The following DLGAP2 variants were observed in gnomAD, a reference collection of about 807,000 sequenced individuals.
DLGAP2 encodes the protein DLG associated protein 2, also known as disks large-associated protein 2.
DLGAP2 carries 26 observed loss-of-function variants against 100.3 expected under a neutral mutation model. That is an observed-to-expected ratio of 0.26 (90% CI 0.19 to 0.36). DLGAP2 has a LOEUF of 0.36. DLGAP2 is among the 10% of genes least tolerant of loss of function. The pLI is 1.00. For synonymous variants in DLGAP2, 886 were observed against 630.1 expected, an observed-to-expected ratio of 1.41 and a Z score of -6.08; for missense variants, 1,858 against 1,453.2, an observed-to-expected ratio of 1.28 and a Z score of -4.53.
intron 1 of DLGAP2, among the ~76,000 whole-genome samples, chr8:801,013 G>A (rs1182843676): frequency 2.6e-5 from 4 of 152,068 alleles, no homozygotes; most frequent in African/African-American, 9.7e-5. Flanking sequence ...ACCTTCAATG[G>A]CTGGTTTGGG....
intron 2 of DLGAP2, among the ~76,000 whole-genome samples, chr8:1,038,073 C>T (rs576713563): frequency 3.7e-4 from 56 of 152,294 alleles, no homozygotes; most frequent in Admixed American, 3.5e-3. Flanking sequence ...TTGGTGTCCT[C>T]GGATGCTGTA....
intron 2 of DLGAP2, among the ~76,000 whole-genome samples, chr8:909,630 G>T (rs1213565866): frequency 6.6e-6 from 1 of 152,172 alleles, no homozygotes; most frequent in Non-Finnish European, 1.5e-5. Context: ...CATTAGCCGG[G>T]CAATTTCCTC....
At chr8:1,303,200 A>G (rs1236267735) in intron 3 of DLGAP2, among the ~76,000 whole-genome samples, 2 of 152,164 alleles carry the variant, frequency 1.3e-5, no homozygotes, top group African/African-American at 4.8e-5. Flanking sequence ...GCTCAAGACC[A>G]TCCTGGCTAA....
At chr8:1,355,545 A>C (rs1456784344) in intron 3 of DLGAP2, among the ~76,000 whole-genome samples, 1 of 151,788 alleles carries the variant, frequency 6.6e-6, no homozygotes, top group South Asian at 2.1e-4. Context: ...TTGTATTTTT[A>C]GTAGAGGCGG....
intron 8 of DLGAP2, among the ~76,000 whole-genome samples, chr8:1,662,128 A>C (rs981417953): frequency 6.6e-6 from 1 of 152,256 alleles, no homozygotes; most frequent in Non-Finnish European, 1.5e-5. Flanking sequence ...TGGGTCCCAC[A>C]CACCTTTCCT....
intron 2 of DLGAP2, among the ~76,000 whole-genome samples, chr8:1,166,107 C>A (rs143884969): frequency 5.4e-4 from 82 of 152,332 alleles, no homozygotes; most frequent in African/African-American, 1.8e-3. Flanking sequence ...GGTCATGGCA[C>A]CTTAGCTACT....
At chr8:951,244 G>A (rs148616971) in intron 2 of DLGAP2, among the ~76,000 whole-genome samples, 116 of 152,212 alleles carry the variant, frequency 7.6e-4, no homozygotes, top group African/African-American at 2.7e-3. Flanking sequence ...ATAGTGCAGT[G>A]ACTCTGTGTC....
At chr8:978,819 C>G (rs1800244981) in intron 2 of DLGAP2, among the ~76,000 whole-genome samples, 2 of 152,138 alleles carry the variant, frequency 1.3e-5, no homozygotes, top group South Asian at 4.1e-4. Flanking sequence ...TTTTGATAAG[C>G]TTGACAAAAC....
chr8:1,524,816 G>T (rs188145871), intron 4 of DLGAP2, among the ~76,000 whole-genome samples: 4 of 152,034 alleles, frequency 2.6e-5, no homozygotes, highest in Non-Finnish European at 5.9e-5. Context: ...AGGTCCTTCC[G>T]TCTGCATCAC....
chr8:1,181,742 A>C (rs891130282), intron 2 of DLGAP2, among the ~76,000 whole-genome samples: 3 of 152,162 alleles, frequency 2.0e-5, no homozygotes, highest in Admixed American at 6.5e-5. Flanking sequence ...ATACTGAAGC[A>C]AAAGCAGCCC....
At chr8:1,198,164 C>T (rs551679865) in intron 2 of DLGAP2, among the ~76,000 whole-genome samples, 61 of 152,120 alleles carry the variant, frequency 4.0e-4, no homozygotes, top group Admixed American at 1.4e-3. Flanking sequence ...ACAGGCCCTC[C>T]GGTGTGGTGC....
In DLGAP2 at chr8:1,130,889, G is replaced by C. The variant is rs145336031; in HGVS notation, c.74-127962G>C. Among the ~76,000 whole-genome samples the C allele has an allele frequency of 3.1e-3, 453 of 146,776 alleles. 3 individuals are homozygous for C. Among genetic ancestry groups the C allele is most frequent in the African/African-American group, 0.01 (431 of 41,176 alleles). On this transcript the variant is annotated intron_variant, in intron 2 of 14. Coordinates refer to ENST00000637795, the MANE Select transcript of DLGAP2 (RefSeq NM_001346810.2). Reference sequence around the variant, plus strand: ...TCTTCATAGCATGACCCCTAGCTCGGCAGCGGCTGGGCTGAGAGACCGGAG... The same window carrying C: ...TCTTCATAGCATGACCCCTAGCTCGCCAGCGGCTGGGCTGAGAGACCGGAG...
At chr8:970,086 T>C (rs1414294418) in intron 2 of DLGAP2, among the ~76,000 whole-genome samples, 2 of 152,338 alleles carry the variant, frequency 1.3e-5, no homozygotes, top group Middle Eastern at 3.4e-3. Context: ...TTTTCATTTT[T>C]ATCCTGCTCA....
chr8:1,183,889 G>A (rs1455102442), intron 2 of DLGAP2, among the ~76,000 whole-genome samples: 1 of 152,178 alleles, frequency 6.6e-6, no homozygotes, highest in Non-Finnish European at 1.5e-5. Flanking sequence ...AGGTCTCTGA[G>A]CCTTTGTCTA....
chr8:1,263,451 A>G lies in DLGAP2; in HGVS notation c.106+4568A>G, dbSNP rs114693794. Among the ~76,000 whole-genome samples the G allele has an allele frequency of 6.5e-3, 992 of 152,304 alleles. 7 individuals carry two copies. The highest frequency in any genetic ancestry group is 0.023 in the African/African-American group (946 of 41,554). ...ATTTTGGGAAGACATACAGAATCCT[A>G]TATTTTATCACAACTAGGAGGAACC... On this transcript the variant is annotated intron_variant, in intron 3 of 14. Transcript: ENST00000637795.
In DLGAP2 at chr8:1,095,398, G is replaced by A. The variant is rs1031300481; in HGVS notation, c.74-163453G>A. Among the ~76,000 whole-genome samples, 12 of 152,248 alleles carry A rather than the reference G, an allele frequency of 7.9e-5. No individual in the cohort carries two copies. In the East Asian group the frequency reaches 1.9e-3, roughly 25 times the overall value. ...CGCAGCAGACCCCAAGCTCACCCTC[G>A]CCCGGGGTTCTTGTTGGGATCCTCC... On this transcript the variant is annotated intron_variant, in intron 2 of 14. Coordinates refer to ENST00000637795, the MANE Select transcript of DLGAP2 (RefSeq NM_001346810.2).
At chr8:760,218 G>C (rs565010900) in intron 1 of DLGAP2, among the ~76,000 whole-genome samples, 1 of 152,254 alleles carries the variant, frequency 6.6e-6, no homozygotes, top group South Asian at 2.1e-4. Context: ...GGATGACACA[G>C]GCTTTTCAGT....
chr8:1,060,303 CGGG>C (rs1285239137), intron 2 of DLGAP2, among the ~76,000 whole-genome samples: 1 of 150,592 alleles, frequency 6.6e-6, no homozygotes. Context: ...CCTCCCAAGG[CGGG>C]CTCCCTCTGG....
intron 3 of DLGAP2, among the ~76,000 whole-genome samples, chr8:1,288,251 G>A (rs1163755975): frequency 1.4e-5 from 2 of 146,712 alleles, no homozygotes; most frequent in African/African-American, 2.5e-5. Context: ...TTCAGTGTGT[G>A]TGTGTGTGGT....
Sources: gnomAD v4.1 joint callset for allele counts (sites outside exome capture counted in the v4.1 genomes callset) on GRCh38, gnomAD v4.1.1 for gene constraint, MANE v1.5 for transcripts, NCBI Gene and HGNC (gene_info 2026-07-23, HGNC 2026-07-21) for gene names.